The following CELSR1 variants were observed in gnomAD, a reference collection of about 807,000 sequenced individuals.
CELSR1 encodes adhesion G protein-coupled receptor C1.
In CELSR1, 110 loss-of-function variants were observed where a neutral mutation model predicts 249.1. That is an observed-to-expected ratio of 0.44 (90% CI 0.38 to 0.52). CELSR1 has a LOEUF of 0.52. Among genes scored for constraint, CELSR1 ranks in the 20% least tolerant of loss-of-function variants. The probability of loss-of-function intolerance (pLI) is 0.00; values close to 1 mark genes in which losing one functional copy is unlikely to be tolerated. For missense variants in CELSR1, 4,109 were observed against 4,296.4 expected (o/e 0.96, Z 1.22); for synonymous variants, 2,113 against 1,900.0 (o/e 1.11, Z -2.92).
In CELSR1 at chr22:46,411,798, T is replaced by C. The variant is rs1307631395; in HGVS notation, c.4612-39A>G. 3 of 1,611,840 alleles carry C rather than the reference T, an allele frequency of 1.9e-6. No homozygotes were observed. In the South Asian group the frequency reaches 3.3e-5, roughly 18 times the overall value. On this transcript the variant is annotated intron_variant, in intron 5 of 34. Coordinates refer to ENST00000674500, the MANE Select transcript of CELSR1 (RefSeq NM_001378328.1). The surrounding 1 kb of genome is among the most constrained non-coding windows in gnomAD (Gnocchi z 4.2). Reference sequence around the variant, plus strand: ...AAGCACAGAAGGTGTCAGCGTTTTCTCCACCAGTGCCCTCAGCAGGCGCAC... The same window carrying C: ...AAGCACAGAAGGTGTCAGCGTTTTCCCCACCAGTGCCCTCAGCAGGCGCAC...
chr22:46,534,836 C>G lies in CELSR1; in HGVS notation c.2335G>C (p.Val779Leu). ...RSHTAHVLIN[V>L]TDANTHRPVF... ...GGCCTGTGGGTGTTGGCATCAGTGACGTTGATTAGGACATGCGCAGTGTGC... is the reference window on the plus strand; with the variant it reads ...GGCCTGTGGGTGTTGGCATCAGTGAGGTTGATTAGGACATGCGCAGTGTGC... The change falls in exon 1 of 35, where the codon GTC becomes CTC. Residue 779 changes from valine to leucine, a missense_variant. Coordinates refer to ENST00000674500, the MANE Select transcript of CELSR1 (RefSeq NM_001378328.1). This position sits in a 1 kb window ranked among gnomAD's most constrained non-coding sequence, Gnocchi z 9.7. 2 of 1,612,968 alleles carry G rather than the reference C, an allele frequency of 1.2e-6. No homozygotes were observed. The highest frequency in any genetic ancestry group is 8.5e-7 in the Non-Finnish European group (1 of 1,179,924).
Position 46,446,612 on chromosome 22 carries a change from G to GT in CELSR1, c.4184-7202dup. Among the ~76,000 whole-genome samples the GT allele has an allele frequency of 6.6e-6, 1 of 151,674 alleles. No individual in the cohort carries two copies. The highest frequency in any genetic ancestry group is 1.9e-4 in the East Asian group (1 of 5,172). The stretch of plus-strand genomic sequence containing the variant: ...TGGCAGGGAGGGTCGCAGGGGGTCG[G>GT]TGGGGGGGAAAGCTGGGTCCATAGC... On this transcript the variant is annotated intron_variant, in intron 2 of 34. Coordinates refer to ENST00000674500, the MANE Select transcript of CELSR1 (RefSeq NM_001378328.1). The surrounding 1 kb of genome is among the most constrained non-coding windows in gnomAD (Gnocchi z 5.5).
At position 46,396,785 on chromosome 22, in the gene CELSR1, C is replaced by T. The variant is rs113743816; in HGVS notation, c.5702-39G>A. 7 of 1,600,642 alleles carry T rather than the reference C, an allele frequency of 4.4e-6. No homozygotes were observed. In the African/African-American group the frequency reaches 5.4e-5, roughly 12 times the overall value. On this transcript the variant is annotated intron_variant, in intron 12 of 34. Coordinates refer to ENST00000674500, the MANE Select transcript of CELSR1 (RefSeq NM_001378328.1). The surrounding 1 kb of genome is among the most constrained non-coding windows in gnomAD (Gnocchi z 6.4). ...GCCAGCATTACCTCCACCCACAATCCACGAGACCTTCCACGTTAAAATATC... is the reference window on the plus strand; with the variant it reads ...GCCAGCATTACCTCCACCCACAATCTACGAGACCTTCCACGTTAAAATATC...
rs575335351 is a variant in CELSR1, at chr22:46,425,035, G to A, written c.4611+8358C>T. On this transcript the variant is annotated intron_variant, in intron 5 of 34. Coordinates refer to ENST00000674500, the MANE Select transcript of CELSR1 (RefSeq NM_001378328.1). ...GAATCACATAGTATGGTCCTTTTGG[G>A]GGTTGCCTTTTCCCACTCAGCAGAG... Among the ~76,000 whole-genome samples, 17 of 152,322 alleles carry A rather than the reference G, an allele frequency of 1.1e-4. No individual in the cohort carries two copies. In the South Asian group the frequency reaches 3.5e-3, roughly 32 times the overall value.
intron 5 of CELSR1, among the ~76,000 whole-genome samples, chr22:46,418,288 C>T (rs2079426278): frequency 6.6e-6 from 1 of 152,150 alleles, no homozygotes; most frequent in Admixed American, 6.6e-5. Flanking sequence ...TGCGACCAGC[C>T]TGGCCAACAA....
At chr22:46,503,571 G>A (rs747587933) in intron 1 of CELSR1, among the ~76,000 whole-genome samples, 4 of 152,226 alleles carry the variant, frequency 2.6e-5, no homozygotes, top group Non-Finnish European at 5.9e-5. Context: ...GCCGGACCAG[G>A]CACTTCTTGA....
Position 46,389,554 on chromosome 22 carries a change from C to G in CELSR1, c.6346-55G>C. On this transcript the variant is annotated intron_variant, in intron 17 of 34. Transcript: ENST00000674500. ...CAAACCCACTTCGGCCGCTTTCAGT[C>G]CCTGCTGTTACTCAGCAACTCACTA... is the stretch of plus-strand genomic sequence containing the variant. 3.2e-6 allele frequency: 5 copies of G among 1,554,684 alleles called. No individual in the cohort carries two copies. In the South Asian group the frequency reaches 5.6e-5, roughly 18 times the overall value.
At position 46,381,496 on chromosome 22, in the gene CELSR1, CCAG is replaced by C. The variant is rs2078977510; in HGVS notation, c.7088+347_7088+349del. ...TAGCTGAGCAGACCTAACCCCGGGG[CCAG>C]CAGCAGGCACTACCCATGACAGCCT... On this transcript the variant is annotated intron_variant, in intron 21 of 34. Transcript: ENST00000674500. This position sits in a 1 kb window ranked among gnomAD's most constrained non-coding sequence, Gnocchi z 6.0. Among the ~76,000 whole-genome samples, 1 of 152,156 alleles carries C rather than the reference CCAG, an allele frequency of 6.6e-6. No individual in the cohort carries two copies. The highest frequency in any genetic ancestry group is 1.5e-5 in the Non-Finnish European group (1 of 68,032).
intron 5 of CELSR1, among the ~76,000 whole-genome samples, chr22:46,426,085 G>A (rs2079533263): frequency 6.7e-6 from 1 of 149,736 alleles, no homozygotes; most frequent in Non-Finnish European, 1.5e-5. Context: ...AACTGCTGGA[G>A]TCGGCTAGTA....
rs79950374 is a variant in CELSR1 at position 46,401,318 on chromosome 22, G to C, written c.5227-1416C>G. On this transcript the variant is annotated intron_variant, in intron 9 of 34. Transcript: ENST00000674500. This position sits in a 1 kb window ranked among gnomAD's most constrained non-coding sequence, Gnocchi z 4.7. ...TCTTAGATCTCCTAAGAAAGGACTT[G>C]GCAATTTGGACCACCTCTCCTCTTG... Among the ~76,000 whole-genome samples the C allele has an allele frequency of 0.057, 8,726 of 152,270 alleles. 292 individuals are homozygous for C. The highest frequency in any genetic ancestry group is 0.071 in the African/African-American group (2,943 of 41,546).
At chr22:46,400,448 G>C (rs1029920384) in intron 9 of CELSR1, among the ~76,000 whole-genome samples, 1 of 152,172 alleles carries the variant, frequency 6.6e-6, no homozygotes, top group South Asian at 2.1e-4. Context: ...GACCAGCCTG[G>C]CCAACATGGT....
rs752096943 is a variant in CELSR1, at chr22:46,437,498, G to T, written c.4407-1209C>A. ...TTCGGCTGGCCGGTGGCTCACGCCT[G>T]TAATCCCAGCACTTTGGGAGGCCGA... On this transcript the variant is annotated intron_variant, in intron 3 of 34. Coordinates refer to ENST00000674500, the MANE Select transcript of CELSR1 (RefSeq NM_001378328.1). This position sits in a 1 kb window ranked among gnomAD's most constrained non-coding sequence, Gnocchi z 4.9. Among the ~76,000 whole-genome samples, 1 of 152,228 alleles carries T rather than the reference G, an allele frequency of 6.6e-6. No homozygotes were observed. The highest frequency in any genetic ancestry group is 1.9e-4 in the East Asian group (1 of 5,194).
At position 46,518,673 on chromosome 22, in the gene CELSR1, G is replaced by C. The variant is rs530019510; in HGVS notation, c.3544+14954C>G. Among the ~76,000 whole-genome samples the C allele has an allele frequency of 6.6e-6, 1 of 152,182 alleles. No individual in the cohort carries two copies. Among genetic ancestry groups the C allele is most frequent in the Non-Finnish European group, 1.5e-5 (1 of 68,036 alleles). On this transcript the variant is annotated intron_variant, in intron 1 of 34. Coordinates refer to ENST00000674500, the MANE Select transcript of CELSR1 (RefSeq NM_001378328.1). This position sits in a 1 kb window ranked among gnomAD's most constrained non-coding sequence, Gnocchi z 5.2. ...ACGCCTGTAATCCGAGTGTGGCTGC[G>C]GTCTCTGCCTCCATCTTCACGTTGT...
chr22:46,390,725 G>T lies in CELSR1; in HGVS notation c.6251-239C>A, dbSNP rs764458380. ...CCAGCCAACAGGAGCCAGCACTTCC[G>T]AGCAAGTCCGTGAGGAAAGAAATCA... On this transcript the variant is annotated intron_variant, in intron 16 of 34. Coordinates refer to ENST00000674500, the MANE Select transcript of CELSR1 (RefSeq NM_001378328.1). The surrounding 1 kb of genome is among the most constrained non-coding windows in gnomAD (Gnocchi z 6.3). Among the ~76,000 whole-genome samples the T allele has an allele frequency of 6.6e-6, 1 of 152,156 alleles. No homozygotes were observed. Among genetic ancestry groups the T allele is most frequent in the Non-Finnish European group, 1.5e-5 (1 of 68,030 alleles).
At chr22:46,496,760 C>T (rs1302763256) in intron 1 of CELSR1, among the ~76,000 whole-genome samples, 5 of 152,094 alleles carry the variant, frequency 3.3e-5, no homozygotes, top group Non-Finnish European at 5.9e-5. Context: ...TCTTCAGAGG[C>T]AGCAGCACAC....
rs549309526 is a variant in CELSR1, at chr22:46,527,049, A to G, written c.3544+6578T>C. On this transcript the variant is annotated intron_variant, in intron 1 of 34. Transcript: ENST00000674500. The surrounding 1 kb of genome is among the most constrained non-coding windows in gnomAD (Gnocchi z 5.5). ...TTAGGAGCTGCCCGGTCCAGGTTCA[A>G]ATCCCACTGCTGCCATCACAAGCTG... is the stretch of plus-strand genomic sequence containing the variant. Among the ~76,000 whole-genome samples, 27 of 152,154 alleles carry G rather than the reference A, an allele frequency of 1.8e-4. No homozygotes were observed. Among genetic ancestry groups the G allele is most frequent in the Non-Finnish European group, 2.1e-4 (14 of 68,022 alleles).
chr22:46,481,190 G>A lies in CELSR1; in HGVS notation c.3545-16845C>T, dbSNP rs370474579. On this transcript the variant is annotated intron_variant, in intron 1 of 34. Transcript: ENST00000674500. ...GTGGAGGTTGCAGTGAGCTGAGATC[G>A]TGCCACTGCACTCCAGCCTTCCAGC... The A allele has an allele frequency of 1.5e-4, 36 of 235,930 alleles. No homozygotes were observed. In the East Asian group the frequency reaches 3.1e-3, roughly 20 times the overall value. 14.6% of individuals were successfully genotyped at this position (235,930 alleles called of 1,614,324 possible).
chr22:46,391,771 C>T lies in CELSR1; in HGVS notation c.6010G>A (p.Asp2004Asn), dbSNP rs144359917. ...LLAQDTCLPC[D>N]CFPHGSHSRT... ...CTGTGGGAGCCATGGGGGAAGCAGTCGCAGGGCAGACAGGTGTCCTGGGCT... is the reference window on the plus strand; with the variant it reads ...CTGTGGGAGCCATGGGGGAAGCAGTTGCAGGGCAGACAGGTGTCCTGGGCT... Residue 2004 changes from aspartate to asparagine, a missense_variant, in exon 15 of 35, where the codon GAC becomes AAC. By Grantham distance (23) the Asp-to-Asn change is conservative. This residue lies in a region of CELSR1 where 1,805 missense variants were observed against 1,831.6 expected (regional missense o/e 0.99). Coordinates refer to ENST00000674500, the MANE Select transcript of CELSR1 (RefSeq NM_001378328.1). This position sits in a 1 kb window ranked among gnomAD's most constrained non-coding sequence, Gnocchi z 4.3. 4.0e-5 allele frequency: 65 copies of T among 1,612,814 alleles called. 1 individual carries two copies. In the African/African-American group the frequency reaches 7.1e-4, roughly 18 times the overall value.
At chr22:46,420,926 C>T (rs984114305) in intron 5 of CELSR1, among the ~76,000 whole-genome samples, 4 of 151,942 alleles carry the variant, frequency 2.6e-5, no homozygotes, top group Non-Finnish European at 4.4e-5. Context: ...AGGTGGGGGC[C>T]GGGGATGGTC....
Sources: gnomAD v4.1 joint callset for allele counts (sites outside exome capture counted in the v4.1 genomes callset) on GRCh38, gnomAD v4.1.1 for gene constraint, gnomAD v4.1.1 regional missense constraint, Gnocchi (gnomAD v3.1) non-coding constraint, MANE v1.5 for transcripts, NCBI Gene and HGNC (gene_info 2026-07-23, HGNC 2026-07-21) for gene names.